CACNA2D1: variants seen among roughly 807,000 people sequenced by gnomAD.
The protein encoded by CACNA2D1 is calcium voltage-gated channel auxiliary subunit alpha2delta 1.
In CACNA2D1, 53 loss-of-function variants were observed where a neutral mutation model predicts 171.5. The ratio of observed to expected loss-of-function variants is 0.31; its 90% CI spans 0.25 to 0.39. CACNA2D1 has a LOEUF of 0.39. Among genes scored for constraint, CACNA2D1 ranks in the 10% least tolerant of loss-of-function variants. CACNA2D1 has a pLI of 1.00. For synonymous variants in CACNA2D1, 442 were observed against 443.1 expected (o/e 1.00, Z 0.03); for missense variants, 903 against 1,299.8 (o/e 0.69, Z 4.69).
At chr7:82,180,228 CCT>C (rs781329985) in intron 3 of CACNA2D1, among the ~76,000 whole-genome samples, 14 of 152,202 alleles carry the variant, frequency 9.2e-5, no homozygotes, top group South Asian at 4.1e-4. Context: ...TAAAAGTGAT[CCT>C]CTGAGGCAAG....
intron 3 of CACNA2D1, among the ~76,000 whole-genome samples, chr7:82,174,599 T>C (rs7801463): frequency 0.044 from 6,697 of 152,132 alleles, 478 homozygotes; most frequent in African/African-American, 0.15. Flanking sequence ...TTTAGATTCC[T>C]ATAAAACTCA....
chr7:82,360,849 T>C (rs1821007911), intron 1 of CACNA2D1, among the ~76,000 whole-genome samples: 1 of 152,182 alleles, frequency 6.6e-6, no homozygotes, highest in South Asian at 2.1e-4. Flanking sequence ...AGACAGGGTT[T>C]ATTTAACAAT....
chr7:82,054,726 C>T (rs1204855731), intron 10 of CACNA2D1, among the ~76,000 whole-genome samples: 3 of 152,090 alleles, frequency 2.0e-5, no homozygotes, highest in South Asian at 4.1e-4. Context: ...AAATTACATA[C>T]GGCAACAAAG....
At chr7:82,207,562 G>C (rs76119040) in intron 3 of CACNA2D1, among the ~76,000 whole-genome samples, 1,523 of 151,960 alleles carry the variant, frequency 0.01, 26 homozygotes, top group African/African-American at 0.035. Context: ...TGTTTAATTT[G>C]GACACAAGTA....
At position 82,073,266 on chromosome 7, in the gene CACNA2D1, T is replaced by C. The variant is rs1398729020; in HGVS notation, c.659-6742A>G. ...CTGCTTGTTCTCCTTGTTTCATTTT[T>C]ATTTAGAAACTGATCCTCTAAAATT... On this transcript the variant is annotated intron_variant, in intron 7 of 38. Transcript: ENST00000356860. 4.6e-5 allele frequency among the ~76,000 whole-genome samples: 7 copies of C among 152,210 alleles called. No homozygotes were observed. In the South Asian group the frequency reaches 1.4e-3, roughly 32 times the overall value.
intron 6 of CACNA2D1, among the ~76,000 whole-genome samples, chr7:82,100,886 G>A (rs1397216050): frequency 6.6e-6 from 1 of 151,018 alleles, no homozygotes; most frequent in Non-Finnish European, 1.5e-5. Flanking sequence ...GCTTAGAAAT[G>A]TTTAATTGTA....
chr7:82,403,653 C>A (rs1182980657), intron 1 of CACNA2D1, among the ~76,000 whole-genome samples: 1 of 152,140 alleles, frequency 6.6e-6, no homozygotes. Context: ...GTGTCACACC[C>A]ACCACTGTCA....
chr7:82,227,761 A>G (rs1802510326), intron 3 of CACNA2D1, among the ~76,000 whole-genome samples: 1 of 152,234 alleles, frequency 6.6e-6, no homozygotes, highest in South Asian at 2.1e-4. Flanking sequence ...AGAAAAAACT[A>G]CAGTGAATAG....
intron 10 of CACNA2D1, among the ~76,000 whole-genome samples, chr7:82,051,384 A>C (rs1469323933): frequency 6.6e-6 from 1 of 152,190 alleles, no homozygotes; most frequent in Non-Finnish European, 1.5e-5. Context: ...TAGCGACTAC[A>C]ATCTGGACAA....
At position 81,982,668 on chromosome 7, in the gene CACNA2D1, G is replaced by A. The variant is rs183035863; in HGVS notation, c.1895-41C>T. 265 of 1,182,398 alleles carry A rather than the reference G, an allele frequency of 2.2e-4. 1 individual carries two copies. The highest frequency in any genetic ancestry group is 1.9e-4 in the Non-Finnish European group (146 of 786,458). 73.2% of individuals were successfully genotyped at this position (1,182,398 alleles called of 1,614,324 possible). A position where few individuals can be genotyped will look rare whatever the true frequency, so the allele number is the denominator to read the frequency against. On this transcript the variant is annotated intron_variant, in intron 23 of 38. Transcript: ENST00000356860. ...TACAGGATTAGATAGGTAATTCAGA[G>A]TATATATCCAGAGATTCTATAACAA...
At chr7:82,371,750 T>C (rs1340689253) in intron 1 of CACNA2D1, among the ~76,000 whole-genome samples, 1 of 152,046 alleles carries the variant, frequency 6.6e-6, no homozygotes, top group Admixed American at 6.6e-5. Context: ...ATTTTTTGTG[T>C]TTTTAGTAGA....
intron 1 of CACNA2D1, among the ~76,000 whole-genome samples, chr7:82,407,621 AT>A (rs1827196134): frequency 6.6e-6 from 1 of 151,704 alleles, no homozygotes; most frequent in Admixed American, 6.6e-5. Flanking sequence ...CAGTTGGAAA[AT>A]TGCAAAAATT....
intron 18 of CACNA2D1, among the ~76,000 whole-genome samples, chr7:82,000,487 G>A (rs910235824): frequency 1.3e-5 from 2 of 152,118 alleles, no homozygotes; most frequent in Admixed American, 6.6e-5. Flanking sequence ...GAGTGCTCAA[G>A]AACACAGTGT....
chr7:82,438,330 A>G (rs1177873632), intron 1 of CACNA2D1, among the ~76,000 whole-genome samples: 2 of 152,194 alleles, frequency 1.3e-5, no homozygotes, highest in African/African-American at 4.8e-5. Context: ...ACACACGTAT[A>G]TATGTGTATT....
chr7:81,947,851 T>C lies in CACNA2D1; in HGVS notation c.*2541A>G, dbSNP rs1366646169. Reference sequence around the variant, plus strand: ...ATATTAGTCATGGGAACAACTTTTATTCAGCTTGTTCTTACCCAATTTGTA... The same window carrying C: ...ATATTAGTCATGGGAACAACTTTTACTCAGCTTGTTCTTACCCAATTTGTA... On this transcript the variant is annotated 3_prime_UTR_variant, in exon 39 of 39. Coordinates refer to ENST00000356860, the MANE Select transcript of CACNA2D1 (RefSeq NM_000722.4). The C allele has an allele frequency of 6.6e-6, 1 of 151,908 alleles. No homozygotes were observed. 9.4% of individuals were successfully genotyped at this position (151,908 alleles called of 1,614,324 possible).
At chr7:82,069,477 CT>C (rs1342273473) in intron 7 of CACNA2D1, among the ~76,000 whole-genome samples, 4 of 152,100 alleles carry the variant, frequency 2.6e-5, no homozygotes, top group Admixed American at 6.6e-5. Flanking sequence ...ATGTTTTCCC[CT>C]GATCAAAAAT....
In CACNA2D1 at chr7:82,443,754, C is replaced by G; in HGVS notation, c.-295G>C. The G allele has an allele frequency of 1.7e-6, 2 of 1,164,932 alleles. No homozygotes were observed. Among genetic ancestry groups the G allele is most frequent in the East Asian group, 3.2e-5 (1 of 31,268 alleles). 72.2% of individuals were successfully genotyped at this position (1,164,932 alleles called of 1,614,324 possible). A position where few individuals can be genotyped will look rare whatever the true frequency, so the allele number is the denominator to read the frequency against. On this transcript the variant is annotated 5_prime_UTR_variant, in exon 1 of 39. Coordinates refer to ENST00000356860, the MANE Select transcript of CACNA2D1 (RefSeq NM_000722.4). ...CTTTGGAAACAGACCTCGGCGAGCCCGCCGGCGCTCGCGCGCTCTCGCTCT... is the reference window on the plus strand; with the variant it reads ...CTTTGGAAACAGACCTCGGCGAGCCGGCCGGCGCTCGCGCGCTCTCGCTCT...
chr7:82,083,913 C>A lies in CACNA2D1; in HGVS notation c.658+856G>T, dbSNP rs140732998. 6.2e-3 allele frequency among the ~76,000 whole-genome samples: 950 copies of A among 152,050 alleles called. 12 individuals carry two copies. The highest frequency in any genetic ancestry group is 0.022 in the African/African-American group (907 of 41,452). On this transcript the variant is annotated intron_variant, in intron 7 of 38. Transcript: ENST00000356860. Reference sequence around the variant, plus strand: ...AATTTGTTAAACATGTTTAGGACACCCAAGTCTCAAGAAGAATTATGCTGT... The same window carrying A: ...AATTTGTTAAACATGTTTAGGACACACAAGTCTCAAGAAGAATTATGCTGT...
At chr7:82,263,628 T>TA (rs1305126484) in intron 3 of CACNA2D1, among the ~76,000 whole-genome samples, 1 of 152,184 alleles carries the variant, frequency 6.6e-6, no homozygotes. Context: ...ATATTCCACT[T>TA]AGAGATAACT....
Sources: gnomAD v4.1 joint callset for allele counts (sites outside exome capture counted in the v4.1 genomes callset) on GRCh38, gnomAD v4.1.1 for gene constraint, MANE v1.5 for transcripts, NCBI Gene and HGNC (gene_info 2026-07-23, HGNC 2026-07-21) for gene names.